Variants in PHACTR1 observed in about 807,000 individuals in gnomAD.
PHACTR1 encodes RPEL repeat containing 1.
Under a neutral mutation model 69.2 loss-of-function variants are expected in PHACTR1, and 16 were observed. That is an observed-to-expected ratio of 0.23 (90% CI 0.16 to 0.35). The LOEUF (loss-of-function observed/expected upper bound fraction) is 0.35. PHACTR1 is among the 10% of genes least tolerant of loss of function. PHACTR1 has a pLI of 1.00. For missense variants in PHACTR1, 510 were observed against 734.7 expected, an observed-to-expected ratio of 0.69 and a Z score of 3.54; for synonymous variants, 312 against 284.5, an observed-to-expected ratio of 1.10 and a Z score of -0.97.
chr6:13,180,895 C>T (rs1762091220), intron 6 of PHACTR1, among the ~76,000 whole-genome samples: 1 of 152,110 alleles, frequency 6.6e-6, no homozygotes, highest in Non-Finnish European at 1.5e-5. Flanking sequence ...ACAGTCTGCA[C>T]TGCTTTTGCT....
At chr6:12,779,142 C>A (rs879725247) in intron 4 of PHACTR1, among the ~76,000 whole-genome samples, 1 of 152,182 alleles carries the variant, frequency 6.6e-6, no homozygotes, top group Non-Finnish European at 1.5e-5. Context: ...TCGAGACCAG[C>A]CTGACCAACA....
intron 4 of PHACTR1, among the ~76,000 whole-genome samples, chr6:12,994,769 A>G (rs1359258159): frequency 2.0e-5 from 3 of 152,144 alleles, no homozygotes; most frequent in African/African-American, 7.2e-5. Context: ...TAAATACCAT[A>G]CGGAATAGCT....
chr6:12,989,826 A>G (rs984135443), intron 4 of PHACTR1, among the ~76,000 whole-genome samples: 1 of 152,218 alleles, frequency 6.6e-6, no homozygotes, highest in African/African-American at 2.4e-5. Flanking sequence ...ATCTATAGCA[A>G]TGGTGGTTTA....
chr6:13,145,508 T>G (rs1443026044), intron 5 of PHACTR1, among the ~76,000 whole-genome samples: 1 of 152,236 alleles, frequency 6.6e-6, no homozygotes, highest in Non-Finnish European at 1.5e-5. Flanking sequence ...ATAAATGTTA[T>G]AGACTGAATG....
intron 4 of PHACTR1, among the ~76,000 whole-genome samples, chr6:12,912,269 G>A (rs1219740560): frequency 1.3e-5 from 2 of 152,132 alleles, no homozygotes. Context: ...CAAAGTGCTG[G>A]GATTACAGGC....
rs1765826673 is a variant in PHACTR1 at position 13,205,860 on chromosome 6, C to T, written c.710C>T (p.Ser237Leu). 6.3e-7 allele frequency: 1 copy of T among 1,596,170 alleles called. No homozygotes were observed. The highest frequency in any genetic ancestry group is 8.6e-7 in the Non-Finnish European group (1 of 1,165,528). Reference sequence around the variant, plus strand: ...TTGCCTTGTCTGCCAGTGAAACTGTCGCCTCCGCTACCTCCAAAGAAAGTC... The same window carrying T: ...TTGCCTTGTCTGCCAGTGAAACTGTTGCCTCCGCTACCTCCAAAGAAAGTC... ...VKLPCLPVKL[S>L]PPLPPKKVMI... is the part of the protein sequence containing the mutation. The change falls in exon 8 of 15, where the codon TCG (serine) becomes TTG (leucine). Residue 237 changes from serine to leucine, a missense_variant. Coordinates refer to ENST00000332995, the MANE Select transcript of PHACTR1 (RefSeq NM_030948.6).
chr6:13,214,942 G>A (rs1410809933), intron 8 of PHACTR1, among the ~76,000 whole-genome samples: 1 of 152,056 alleles, frequency 6.6e-6, no homozygotes, highest in Non-Finnish European at 1.5e-5. Flanking sequence ...CCACCTATGG[G>A]CCTTAAAAAT....
intron 4 of PHACTR1, among the ~76,000 whole-genome samples, chr6:12,918,551 TATC>T (rs1416662107): frequency 6.6e-6 from 1 of 152,226 alleles, no homozygotes; most frequent in Non-Finnish European, 1.5e-5. Context: ...ATGCCATCGT[TATC>T]ATTGTTTCAT....
rs1166067413 is a variant in PHACTR1, at chr6:13,179,029, A to C, written c.497-3490A>C. Among the ~76,000 whole-genome samples, 1 of 152,184 alleles carries C rather than the reference A, an allele frequency of 6.6e-6. No individual in the cohort carries two copies. Among genetic ancestry groups the C allele is most frequent in the Non-Finnish European group, 1.5e-5 (1 of 68,026 alleles). On this transcript the variant is annotated intron_variant, in intron 6 of 14. Transcript: ENST00000332995. This position sits in a 1 kb window ranked among gnomAD's most constrained non-coding sequence, Gnocchi z 4.2. ...GGTGGGTGGATCACTTGAGTCAAGG[A>C]GTTCCACATGAGGCTGGGCAACATG...
intron 4 of PHACTR1, among the ~76,000 whole-genome samples, chr6:12,825,276 G>T (rs1296821719): frequency 6.7e-6 from 1 of 149,858 alleles, no homozygotes; most frequent in African/African-American, 2.5e-5. Flanking sequence ...GTGTGCCTCT[G>T]CACTCCAGCC....
chr6:13,185,431 T>C (rs1561958823), intron 7 of PHACTR1, among the ~76,000 whole-genome samples: 1 of 151,164 alleles, frequency 6.6e-6, no homozygotes, highest in Non-Finnish European at 1.5e-5. Context: ...TTTCACCTAT[T>C]AAAATTCATG....
intron 11 of PHACTR1, chr6:13,277,925 G>A (rs1779270324): frequency 5.7e-6 from 1 of 174,892 alleles, no homozygotes; most frequent in African/African-American, 2.4e-5. Flanking sequence ...ACTTTAGCCT[G>A]GGAGACAGAA....
intron 4 of PHACTR1, among the ~76,000 whole-genome samples, chr6:12,782,833 A>G (rs1038752163): frequency 6.6e-6 from 1 of 152,198 alleles, no homozygotes; most frequent in African/African-American, 2.4e-5. Context: ...AGAATTATTC[A>G]AGTAGACACA....
At chr6:12,995,598 T>C (rs1270215946) in intron 4 of PHACTR1, among the ~76,000 whole-genome samples, 3 of 152,044 alleles carry the variant, frequency 2.0e-5, no homozygotes, top group African/African-American at 7.2e-5. Flanking sequence ...CCATTAATAC[T>C]TAGTGGTAAA....
intron 4 of PHACTR1, among the ~76,000 whole-genome samples, chr6:12,852,751 G>A (rs904501818): frequency 6.6e-6 from 1 of 152,060 alleles, no homozygotes; most frequent in Non-Finnish European, 1.5e-5. Flanking sequence ...AAAAGTAAAC[G>A]TTGCTCAGAA....
chr6:12,872,213 G>A (rs1198400927), intron 4 of PHACTR1, among the ~76,000 whole-genome samples: 3 of 151,730 alleles, frequency 2.0e-5, no homozygotes, highest in African/African-American at 4.8e-5. Flanking sequence ...ATCTGTTAGC[G>A]GTACATACTG....
intron 4 of PHACTR1, among the ~76,000 whole-genome samples, chr6:13,049,664 C>T (rs963184602): frequency 1.4e-4 from 21 of 152,152 alleles, no homozygotes; most frequent in African/African-American, 4.6e-4. Context: ...GGCTATAACA[C>T]GTGTTTAGAG....
At chr6:12,927,520 C>T (rs1788403093) in intron 4 of PHACTR1, among the ~76,000 whole-genome samples, 1 of 152,186 alleles carries the variant, frequency 6.6e-6, no homozygotes, top group Admixed American at 6.5e-5. Context: ...CAAGAAGGTA[C>T]TATTAGTATT....
chr6:12,908,381 C>A (rs1336849671), intron 4 of PHACTR1, among the ~76,000 whole-genome samples: 2 of 152,124 alleles, frequency 1.3e-5, no homozygotes, highest in East Asian at 3.9e-4. Context: ...AAGCAGTGAG[C>A]TCAGTCCCAG....
Sources: allele counts gnomAD v4.1 joint callset (sites outside exome capture counted in the v4.1 genomes callset), GRCh38; gene constraint gnomAD v4.1.1; non-coding constraint Gnocchi (gnomAD v3.1); transcripts MANE v1.5; gene names NCBI Gene and HGNC (gene_info 2026-07-23, HGNC 2026-07-21).